The following COL28A1 variants were observed in gnomAD, a reference collection of about 807,000 sequenced individuals.
The protein encoded by COL28A1 is collagen type XXVIII alpha 1 chain.
Under a neutral mutation model 150.2 loss-of-function variants are expected in COL28A1, and 161 were observed. That is an observed-to-expected ratio of 1.07 (90% CI 0.94 to 1.22). COL28A1 has a LOEUF of 1.22. Ranked by LOEUF, COL28A1 falls within the 50% of genes most tolerant of loss-of-function variation. The pLI is 0.00. For missense variants in COL28A1, 1,617 were observed against 1,388.3 expected, an observed-to-expected ratio of 1.16 and a Z score of -2.62; for synonymous variants, 552 against 469.7, an observed-to-expected ratio of 1.18 and a Z score of -2.26.
At chr7:7,430,791 A>G (rs902656449) in intron 25 of COL28A1, among the ~76,000 whole-genome samples, 1 of 152,112 alleles carries the variant, frequency 6.6e-6, no homozygotes, top group Non-Finnish European at 1.5e-5. Flanking sequence ...GCTATGCCTT[A>G]AAGAAAAAAG....
intron 27 of COL28A1, among the ~76,000 whole-genome samples, chr7:7,406,263 T>C (rs1783487431): frequency 6.6e-6 from 1 of 152,236 alleles, no homozygotes; most frequent in Non-Finnish European, 1.5e-5. Context: ...AATTAAAGTA[T>C]ATATGAATGA....
chr7:7,363,323 ATG>A (rs774656761), intron 33 of COL28A1, among the ~76,000 whole-genome samples: 51 of 152,286 alleles, frequency 3.3e-4, no homozygotes, highest in Non-Finnish European at 2.6e-4. Context: ...AAGCTTAGGA[ATG>A]TGTGTTTCCA....
intron 19 of COL28A1, 113 bp from the exon 20 acceptor site, chr7:7,443,766 A>G (rs1786001785): frequency 8.5e-6 from 12 of 1,403,664 alleles, no homozygotes; most frequent in Non-Finnish European, 1.1e-5. Context: ...TCTCCAAAAC[A>G]CACCATACCT....
chr7:7,338,810 T>A, the COL28A1 span, among the ~76,000 whole-genome samples: 1 of 152,156 alleles, frequency 6.6e-6, no homozygotes, highest in South Asian at 2.1e-4. Context: ...GAATTTTGGC[T>A]GACTTTGTGA....
chr7:7,354,871 T>A (rs530734051), downstream of COL28A1, among the ~76,000 whole-genome samples: 1 of 152,140 alleles, frequency 6.6e-6, no homozygotes, highest in East Asian at 1.9e-4. Context: ...CTGGTTTGGA[T>A]GCCTCTGACA....
intron 11 of COL28A1, among the ~76,000 whole-genome samples, chr7:7,492,263 A>G (rs1779953892): frequency 6.6e-6 from 1 of 152,118 alleles, no homozygotes. Flanking sequence ...TGGATATAGT[A>G]AAGACATTGC....
chr7:7,453,358 G>C (rs1786867690), intron 17 of COL28A1, 82 bp downstream of exon 17: 2 of 817,066 alleles, frequency 2.4e-6, no homozygotes, highest in Non-Finnish European at 4.3e-6. Flanking sequence ...TCTACCTGCT[G>C]TCTTCCCTTG....
chr7:7,417,208 A>G (rs547647859), intron 27 of COL28A1, among the ~76,000 whole-genome samples: 77 of 152,030 alleles, frequency 5.1e-4, no homozygotes, highest in African/African-American at 1.8e-3. Context: ...CATGCTGGAC[A>G]AGCTTGTTGC....
Position 7,502,238 on chromosome 7 carries a change from G to A in COL28A1, c.1026+3776C>T, listed in dbSNP as rs181106335. Among the ~76,000 whole-genome samples the A allele has an allele frequency of 1.8e-4, 27 of 152,306 alleles. No individual in the cohort carries two copies. In the East Asian group the frequency reaches 4.8e-3, roughly 27 times the overall value. ...GAATGCCACAAGATGACCTTCCTGT[G>A]TGGTAGAGGATGAGGTGGACTCTGA... is the stretch of plus-strand genomic sequence containing the variant. On this transcript the variant is annotated intron_variant, in intron 11 of 34. Transcript: ENST00000399429.
At chr7:7,437,332 A>AT (rs1034824851) in intron 22 of COL28A1, 62 bp downstream of exon 22, 643 of 1,534,208 alleles carry the variant, frequency 4.2e-4, no homozygotes, top group South Asian at 1.5e-3. Flanking sequence ...TGGTATCATG[A>AT]TTTTTTTTTC....
intron 25 of COL28A1, among the ~76,000 whole-genome samples, chr7:7,423,986 G>A (rs913425002): frequency 6.6e-6 from 1 of 152,160 alleles, no homozygotes; most frequent in Non-Finnish European, 1.5e-5. Flanking sequence ...TGGTCCTTCA[G>A]TGTTCACCTA....
chr7:7,488,288 C>T (rs10486168), intron 13 of COL28A1, among the ~76,000 whole-genome samples: 15,333 of 152,128 alleles, frequency 0.1, 925 homozygotes, highest in Middle Eastern at 0.21. Context: ...CCATATAATG[C>T]TCTCTTTTTT....
At chr7:7,464,643 C>T (rs1787919104) in intron 15 of COL28A1, among the ~76,000 whole-genome samples, 1 of 152,112 alleles carries the variant, frequency 6.6e-6, no homozygotes, top group African/African-American at 2.4e-5. Flanking sequence ...CTATGAAAAC[C>T]TCTGGGATAC....
intron 27 of COL28A1, among the ~76,000 whole-genome samples, chr7:7,406,284 G>A (rs1444639658): frequency 6.6e-6 from 1 of 152,110 alleles, no homozygotes; most frequent in African/African-American, 2.4e-5. Context: ...ATCATTTTGT[G>A]GGTCTAACAG....
chr7:7,432,568 T>G lies in COL28A1; in HGVS notation c.1930-27A>C, dbSNP rs951173522. ...TGAGATGACACAGTAAGGGAGGGAG[T>G]GAGCATCCTTGTAGTATGCAACACT... is the stretch of plus-strand genomic sequence containing the variant. On this transcript the variant is annotated intron_variant, in intron 24 of 34. Transcript: ENST00000399429. 1.5e-5 allele frequency: 24 copies of G among 1,611,066 alleles called. No homozygotes were observed. In the African/African-American group the frequency reaches 3.0e-4, roughly 20 times the overall value.
intron 11 of COL28A1, among the ~76,000 whole-genome samples, chr7:7,504,642 C>G (rs1270882873): frequency 6.6e-6 from 1 of 152,230 alleles, no homozygotes; most frequent in South Asian, 2.1e-4. Context: ...CCAGCACCAC[C>G]TCAGTGCCCT....
chr7:7,483,975 T>C (rs1032341596), intron 13 of COL28A1, among the ~76,000 whole-genome samples: 2 of 152,088 alleles, frequency 1.3e-5, no homozygotes, highest in Admixed American at 6.5e-5. Context: ...AAGTTAGATT[T>C]GAGAAAATTA....
At chr7:7,401,713 T>C (rs777692990) in intron 27 of COL28A1, among the ~76,000 whole-genome samples, 5 of 151,510 alleles carry the variant, frequency 3.3e-5, no homozygotes, top group Admixed American at 2.6e-4. Context: ...ATTTCTATCT[T>C]ACTTATTTGT....
chr7:7,385,155 A>C (rs1270607535), intron 27 of COL28A1, among the ~76,000 whole-genome samples: 1 of 152,252 alleles, frequency 6.6e-6, no homozygotes, highest in African/African-American at 2.4e-5. Flanking sequence ...TAGGAACGAT[A>C]TCTCTTAAGA....
Sources: allele counts gnomAD v4.1 joint callset (sites outside exome capture counted in the v4.1 genomes callset), GRCh38; gene constraint gnomAD v4.1.1; transcripts MANE v1.5; gene names NCBI Gene and HGNC (gene_info 2026-07-23, HGNC 2026-07-21).